HACE1: variants seen among roughly 807,000 people sequenced by gnomAD.
HACE1 encodes E3 ubiquitin-protein ligase HACE1.
A neutral mutation model predicts 118.4 loss-of-function variants in HACE1; 73 were observed. The observed-to-expected ratio is 0.62, with a 90% CI of 0.51 to 0.75. The LOEUF is 0.75. HACE1 is among the 30% of genes least tolerant of loss of function. HACE1 has a pLI of 0.00. For missense variants in HACE1, 749 were observed against 1,102.2 expected (o/e 0.68, Z 4.54); for synonymous variants, 368 against 374.8 (o/e 0.98, Z 0.21).
At chr6:104,744,942 T>C (rs544481177) in intron 20 of HACE1, among the ~76,000 whole-genome samples, 49 of 152,334 alleles carry the variant, frequency 3.2e-4, no homozygotes, top group African/African-American at 1.1e-3. Context: ...GTTTACTTTA[T>C]ATTTTTACAA....
intron 5 of HACE1, among the ~76,000 whole-genome samples, chr6:104,842,018 A>G (rs999426786): frequency 1.7e-4 from 26 of 151,938 alleles, no homozygotes; most frequent in Non-Finnish European, 2.4e-4. Flanking sequence ...TATATAAAAT[A>G]TAAGTCTAAT....
chr6:104,748,284 T>TA (rs1562282530), intron 20 of HACE1, among the ~76,000 whole-genome samples: 4 of 151,940 alleles, frequency 2.6e-5, no homozygotes, highest in African/African-American at 9.7e-5. Flanking sequence ...GCAAATTACT[T>TA]AAATAGACAC....
At position 104,785,183 on chromosome 6, in the gene HACE1, G is replaced by C. The variant is rs150291385; in HGVS notation, c.1211C>G (p.Ser404Cys). The C allele has an allele frequency of 3.1e-6, 5 of 1,613,918 alleles. No homozygotes were observed. In the African/African-American group the frequency reaches 5.3e-5, roughly 17 times the overall value. ...KQKGQDQDAA[S>C]IPPFEPPGPG... ...TCCTGGAGGTTCAAATGGAGGAATG[G>C]AAGCAGCATCTTGATCTTGGCCTTT... is the stretch of plus-strand genomic sequence containing the variant. Residue 404 changes from serine (S) to cysteine (C), a missense_variant, in exon 12 of 24, where the codon TCC (serine) becomes TGC (cysteine). This residue lies in a region of HACE1 where 267 missense variants were observed against 312.2 expected (regional missense o/e 0.86). Coordinates refer to ENST00000262903, the MANE Select transcript of HACE1 (RefSeq NM_020771.4).
At chr6:104,833,356 ATTTG>A (rs1239543065) in intron 5 of HACE1, among the ~76,000 whole-genome samples, 183 bp from the exon 6 acceptor site, 1 of 152,030 alleles carries the variant, frequency 6.6e-6, no homozygotes, top group East Asian at 1.9e-4. Flanking sequence ...CCTTTTTTAA[ATTTG>A]TTTAAGTTTT....
At chr6:104,797,140 G>A (rs758068376) in intron 7 of HACE1, 115 bp from the exon 8 acceptor site, 17 of 700,438 alleles carry the variant, frequency 2.4e-5, no homozygotes, top group Non-Finnish European at 4.1e-5. Flanking sequence ...ATTAAGACAA[G>A]AGAATATGAA....
In HACE1 at chr6:104,784,503, C is replaced by T. The variant is rs377270009; in HGVS notation, c.1410-18G>A. The T allele has an allele frequency of 2.5e-6, 4 of 1,570,910 alleles. No homozygotes were observed. Among genetic ancestry groups the T allele is most frequent in the Non-Finnish European group, 3.5e-6 (4 of 1,141,144 alleles). ...AAGTCATTCTGTGGGGGGAAAACATCAATCAGAATACACAGGCAAAAGTTT... is the reference window on the plus strand; with the variant it reads ...AAGTCATTCTGTGGGGGGAAAACATTAATCAGAATACACAGGCAAAAGTTT... On this transcript the variant is annotated intron_variant, in intron 12 of 23. Coordinates refer to ENST00000262903, the MANE Select transcript of HACE1 (RefSeq NM_020771.4).
At chr6:104,733,983 T>A (rs1194137647) in intron 22 of HACE1, among the ~76,000 whole-genome samples, 1 of 151,688 alleles carries the variant, frequency 6.6e-6, no homozygotes, top group Non-Finnish European at 1.5e-5. Context: ...TGAAACTCCA[T>A]CTTTACTAAA....
At chr6:104,730,141 A>G (rs907376557) in intron 23 of HACE1, among the ~76,000 whole-genome samples, 162 bp downstream of exon 23, 20 of 152,144 alleles carry the variant, frequency 1.3e-4, no homozygotes, top group African/African-American at 4.8e-4. Context: ...TACCAAAAAC[A>G]GGGGCACAAA....
intron 22 of HACE1, among the ~76,000 whole-genome samples, chr6:104,737,715 T>A (rs540494833): frequency 6.6e-6 from 1 of 152,278 alleles, no homozygotes; most frequent in Admixed American, 6.5e-5. Flanking sequence ...CACAGCAGTC[T>A]GAGACCAAAC....
intron 17 of HACE1, among the ~76,000 whole-genome samples, chr6:104,775,868 C>T (rs555915970): frequency 6.6e-6 from 1 of 151,344 alleles, no homozygotes; most frequent in African/African-American, 2.4e-5. Context: ...CAATCAGAAG[C>T]TACAATTAAT....
chr6:104,850,327 G>A (rs1562510050), intron 3 of HACE1, among the ~76,000 whole-genome samples: 1 of 152,062 alleles, frequency 6.6e-6, no homozygotes, highest in South Asian at 2.1e-4. Flanking sequence ...TTTCAAGATG[G>A]TCCATTCTAC....
chr6:104,788,802 T>C (rs1332596133), intron 11 of HACE1, among the ~76,000 whole-genome samples: 1 of 152,166 alleles, frequency 6.6e-6, no homozygotes, highest in Non-Finnish European at 1.5e-5. Context: ...AAACATCTCT[T>C]AATGCTGAAA....
chr6:104,823,306 C>T (rs1462551617), intron 6 of HACE1, among the ~76,000 whole-genome samples: 8 of 151,744 alleles, frequency 5.3e-5, no homozygotes, highest in African/African-American at 1.9e-4. Context: ...TGGCAGTGGG[C>T]ACCTGTAATC....
intron 3 of HACE1, 143 bp downstream of exon 3, chr6:104,850,764 C>T (rs937671140): frequency 5.3e-6 from 4 of 752,068 alleles, no homozygotes; most frequent in Non-Finnish European, 7.4e-6. Flanking sequence ...GAACGGATAG[C>T]ACACCACGCG....
intron 18 of HACE1, among the ~76,000 whole-genome samples, chr6:104,771,705 G>GAA (rs55710828): frequency 1.8e-3 from 155 of 86,238 alleles, no homozygotes; most frequent in Admixed American, 5.7e-3. Flanking sequence ...CACAAAAATT[G>GAA]AAAAAAAAAA....
intron 22 of HACE1, among the ~76,000 whole-genome samples, chr6:104,741,548 C>T (rs1421742610): frequency 9.1e-6 from 1 of 110,280 alleles, no homozygotes; most frequent in Non-Finnish European, 1.8e-5. Context: ...CATGAGTGAA[C>T]TCCCATTCAC....
intron 7 of HACE1, among the ~76,000 whole-genome samples, chr6:104,808,130 G>A (rs1424909962): frequency 4.0e-5 from 6 of 151,812 alleles, no homozygotes; most frequent in Admixed American, 2.6e-4. Flanking sequence ...AGATTGCAGT[G>A]AGCCAAGATC....
intron 2 of HACE1, among the ~76,000 whole-genome samples, chr6:104,851,756 T>C (rs541964519): frequency 9.8e-5 from 15 of 152,320 alleles, no homozygotes; most frequent in African/African-American, 3.6e-4. Flanking sequence ...TTTAACTTGT[T>C]TCAAAATAGT....
chr6:104,831,056 C>A (rs1423794750), intron 6 of HACE1: 2 of 151,998 alleles, frequency 1.3e-5, no homozygotes, highest in Non-Finnish European at 2.9e-5. Flanking sequence ...CCTGTACATT[C>A]TATTACCAAT....
Sources: gnomAD v4.1 joint callset for allele counts (sites outside exome capture counted in the v4.1 genomes callset) on GRCh38, gnomAD v4.1.1 for gene constraint, gnomAD v4.1.1 regional missense constraint, MANE v1.5 for transcripts, NCBI Gene and HGNC (gene_info 2026-07-23, HGNC 2026-07-21) for gene names.